The following SCMH1 variants were observed in gnomAD, a reference collection of about 807,000 sequenced individuals.
SCMH1 encodes the protein Scm polycomb group protein homolog 1.
In SCMH1, 37 loss-of-function variants were observed where a neutral mutation model predicts 70.8. The observed-to-expected ratio is 0.52, with a 90% confidence interval of 0.40 to 0.69. The LOEUF is 0.69. SCMH1 is among the 30% of genes least tolerant of loss of function. The pLI, the probability that SCMH1 is intolerant of heterozygous loss-of-function variation, is 0.00. For missense variants in SCMH1, 607 were observed against 827.3 expected (o/e 0.73, Z 3.27); for synonymous variants, 292 against 307.4 (o/e 0.95, Z 0.52).
At chr1:41,117,503 C>T (rs542968390) in intron 6 of SCMH1, among the ~76,000 whole-genome samples, 7 of 151,192 alleles carry the variant, frequency 4.6e-5, no homozygotes, top group Admixed American at 1.3e-4. Flanking sequence ...GGGAGTCACC[C>T]TTTCCCCGGG....
chr1:41,121,376 T>C (rs118058809), intron 6 of SCMH1, among the ~76,000 whole-genome samples: 1 of 152,226 alleles, frequency 6.6e-6, no homozygotes, highest in Non-Finnish European at 1.5e-5. Context: ...ATCACATTAA[T>C]ATCGTCAAAT....
intron 2 of SCMH1, among the ~76,000 whole-genome samples, chr1:41,175,622 A>C (rs528863172): frequency 6.6e-6 from 1 of 152,190 alleles, no homozygotes; most frequent in Non-Finnish European, 1.5e-5. Context: ...TCTCTCCTGA[A>C]GGACCTCCAA....
chr1:41,037,312 G>A, intron 13 of SCMH1, 50 bp downstream of exon 13: 1 of 1,572,110 alleles, frequency 6.4e-7, no homozygotes, highest in Middle Eastern at 2.0e-4. Flanking sequence ...GGAAGGAAGT[G>A]AAGGAAAGAG....
intron 2 of SCMH1, among the ~76,000 whole-genome samples, chr1:41,179,292 CA>C (rs1389688674): frequency 1.0e-4 from 15 of 149,986 alleles, no homozygotes; most frequent in African/African-American, 3.6e-4. Flanking sequence ...AGGAAAGATC[CA>C]AAATTAAAAG....
intron 1 of SCMH1, among the ~76,000 whole-genome samples, chr1:41,213,536 ATG>A (rs1657482895): frequency 6.6e-6 from 1 of 152,136 alleles, no homozygotes; most frequent in Admixed American, 6.6e-5. Context: ...TAAGACCCTC[ATG>A]TGACAGGTTC....
At chr1:41,057,440 A>G (rs1315955835) in intron 10 of SCMH1, among the ~76,000 whole-genome samples, 1 of 151,902 alleles carries the variant, frequency 6.6e-6, no homozygotes, top group Non-Finnish European at 1.5e-5. Context: ...TAGTAGAGAC[A>G]AGGTTTTGCC....
chr1:41,071,369 T>C (rs1656436138), intron 9 of SCMH1, among the ~76,000 whole-genome samples: 2 of 152,226 alleles, frequency 1.3e-5, no homozygotes, highest in South Asian at 4.1e-4. Context: ...TTGTCTCTTT[T>C]ATGTTACCTC....
chr1:41,073,553 G>A (rs1657234237), intron 9 of SCMH1, among the ~76,000 whole-genome samples: 1 of 152,120 alleles, frequency 6.6e-6, no homozygotes, highest in South Asian at 2.1e-4. Context: ...AAGATCAGGA[G>A]GTGATACTGA....
intron 1 of SCMH1, among the ~76,000 whole-genome samples, chr1:41,224,936 T>C (rs1323646324): frequency 6.6e-6 from 1 of 152,168 alleles, no homozygotes; most frequent in Non-Finnish European, 1.5e-5. Context: ...GGATTTAGGA[T>C]TAGAATATCT....
At chr1:41,133,887 G>T (rs189312657) in intron 6 of SCMH1, among the ~76,000 whole-genome samples, 11 of 152,054 alleles carry the variant, frequency 7.2e-5, no homozygotes, top group Non-Finnish European at 1.3e-4. Flanking sequence ...CTTCTGAAAG[G>T]ATTCGAAGCA....
chr1:41,104,205 T>C (rs1162691939), intron 8 of SCMH1, among the ~76,000 whole-genome samples: 1 of 152,152 alleles, frequency 6.6e-6, no homozygotes, highest in East Asian at 1.9e-4. Flanking sequence ...AGGCAGACAC[T>C]TGTCTATAAC....
At chr1:41,121,371 A>G (rs560469633) in intron 6 of SCMH1, among the ~76,000 whole-genome samples, 7 of 152,362 alleles carry the variant, frequency 4.6e-5, no homozygotes, top group African/African-American at 1.7e-4. Context: ...TAATCATCAC[A>G]TTAATATCGT....
At chr1:41,150,311 T>C (rs1336952855) in intron 5 of SCMH1, among the ~76,000 whole-genome samples, 1 of 152,094 alleles carries the variant, frequency 6.6e-6, no homozygotes, top group Non-Finnish European at 1.5e-5. Context: ...GAGACCAGCC[T>C]GGCCAACATA....
exon 13 of SCMH1, chr1:41,037,366 G>T (rs762466822): frequency 6.2e-7 from 1 of 1,613,936 alleles, no homozygotes; most frequent in Non-Finnish European, 8.5e-7. Flanking sequence ...GCTTACCCCT[G>T]GAGCATAGCC....
chr1:41,028,150 C>T (rs1385422715), exon 15 of SCMH1: 5 of 1,611,418 alleles, frequency 3.1e-6, no homozygotes, highest in Non-Finnish European at 4.2e-6. Flanking sequence ...TAGAAGAATG[C>T]CCCCACCTGC....
At chr1:41,048,941 A>C (rs1424649368) in intron 10 of SCMH1, 51 bp from the exon 11 acceptor site, 1 of 1,518,304 alleles carries the variant, frequency 6.6e-7, no homozygotes, top group South Asian at 1.2e-5. Flanking sequence ...GGGATAGAGA[A>C]GTCAGAGAAC....
At chr1:41,225,505 G>T (rs1258496546) in intron 1 of SCMH1, among the ~76,000 whole-genome samples, 2 of 152,194 alleles carry the variant, frequency 1.3e-5, no homozygotes, top group Non-Finnish European at 2.9e-5. Flanking sequence ...TGTTATGTGA[G>T]AAAGACAAGC....
intron 10 of SCMH1, among the ~76,000 whole-genome samples, chr1:41,067,427 G>A (rs1463676797): frequency 8.1e-6 from 1 of 122,978 alleles, no homozygotes; most frequent in Non-Finnish European, 1.6e-5. Flanking sequence ...CTGGGCGACA[G>A]AGCAAGACTC....
intron 8 of SCMH1, among the ~76,000 whole-genome samples, chr1:41,109,213 T>C (rs1175593296): frequency 6.6e-6 from 1 of 152,222 alleles, no homozygotes; most frequent in East Asian, 1.9e-4. Context: ...AAATAAAATG[T>C]ATCTGAAAAT....
Sources: gnomAD v4.1 joint callset for allele counts (sites outside exome capture counted in the v4.1 genomes callset) on GRCh38, gnomAD v4.1.1 for gene constraint, MANE v1.5 for transcripts, NCBI Gene and HGNC (gene_info 2026-07-23, HGNC 2026-07-21) for gene names.